Variants in UGT1A8 observed in about 807,000 individuals in gnomAD.
The protein encoded by UGT1A8 is UDP glucuronosyltransferase family 1 member A8.
UGT1A8 carries 39 observed loss-of-function variants against 45.3 expected under a neutral mutation model. The ratio of observed to expected loss-of-function variants is 0.86; its 90% CI spans 0.67 to 1.12. The LOEUF (loss-of-function observed/expected upper bound fraction) is 1.12, where lower values mean the gene tolerates loss of function less well. Among genes scored for constraint, UGT1A8 ranks in the 50% most tolerant of loss-of-function variants. UGT1A8 has a pLI of 0.00. For synonymous variants in UGT1A8, 275 were observed against 249.2 expected (o/e 1.10, Z -0.97); for missense variants, 719 against 664.9 (o/e 1.08, Z -0.90).
chr2:233,749,297 T>C (rs761343175), intron 1 of UGT1A8, among the ~76,000 whole-genome samples: 35 of 151,972 alleles, frequency 2.3e-4, no homozygotes, highest in Non-Finnish European at 4.0e-4. Flanking sequence ...TATTCAATTA[T>C]AAAATATGTG....
intron 1 of UGT1A8, among the ~76,000 whole-genome samples, chr2:233,739,452 G>A (rs115541121): frequency 6.6e-6 from 1 of 152,196 alleles, no homozygotes; most frequent in Non-Finnish European, 1.5e-5. Flanking sequence ...AAGCCACAGG[G>A]TTGGAGCTGC....
intron 1 of UGT1A8, among the ~76,000 whole-genome samples, chr2:233,711,301 G>T (rs1575495377): frequency 6.6e-6 from 1 of 152,358 alleles, no homozygotes; most frequent in East Asian, 1.9e-4. Flanking sequence ...GTAGAAATTA[G>T]ATGACATTGG....
chr2:233,685,673 C>T (rs1460224775), intron 1 of UGT1A8, among the ~76,000 whole-genome samples: 1 of 152,178 alleles, frequency 6.6e-6, no homozygotes, highest in Admixed American at 6.5e-5. Flanking sequence ...ATAATGTGTA[C>T]CCATATAGCC....
At chr2:233,729,397 C>T (rs762751427) in intron 1 of UGT1A8, 64 of 1,613,538 alleles carry the variant, frequency 4.0e-5, no homozygotes, top group Non-Finnish European at 4.6e-5. Flanking sequence ...TGAATTTGAT[C>T]GCCATGTGCT....
At chr2:233,689,040 T>C (rs1410007859) in intron 1 of UGT1A8, among the ~76,000 whole-genome samples, 3 of 152,238 alleles carry the variant, frequency 2.0e-5, no homozygotes, top group Non-Finnish European at 4.4e-5. Context: ...AATCCTACTT[T>C]ATGTCTCTTC....
intron 1 of UGT1A8, among the ~76,000 whole-genome samples, chr2:233,710,240 A>G (rs2076121731): frequency 6.6e-6 from 1 of 152,210 alleles, no homozygotes; most frequent in Non-Finnish European, 1.5e-5. Context: ...CTATTCGAGT[A>G]CGAGTGTTTC....
At chr2:233,760,764 C>G (rs199766420) in intron 1 of UGT1A8, 1 of 1,614,088 alleles carries the variant, frequency 6.2e-7, no homozygotes, top group Non-Finnish European at 8.5e-7. Flanking sequence ...GCAGCCCCAT[C>G]GTGGCCCAGT....
chr2:233,754,878 C>G (rs1478307261), intron 1 of UGT1A8: 1 of 1,352,412 alleles, frequency 7.4e-7, no homozygotes, highest in Non-Finnish European at 9.9e-7. Context: ...GCTTCTGCTT[C>G]CCAGGGAGTT....
intron 1 of UGT1A8, among the ~76,000 whole-genome samples, chr2:233,684,934 AGT>A (rs1284921630): frequency 1.3e-5 from 2 of 148,296 alleles, no homozygotes; most frequent in Non-Finnish European, 3.0e-5. Context: ...CAGGATTCAT[AGT>A]CTGCATTTCA....
chr2:233,633,902 T>G (rs371326033), intron 1 of UGT1A8, among the ~76,000 whole-genome samples: 49 of 152,154 alleles, frequency 3.2e-4, no homozygotes, highest in Non-Finnish European at 4.7e-4. Flanking sequence ...TGTGATGTTA[T>G]GGTTTTGATT....
At chr2:233,748,086 G>A (rs1376410311) in intron 1 of UGT1A8, 37 of 1,612,904 alleles carry the variant, frequency 2.3e-5, no homozygotes, top group Non-Finnish European at 2.9e-5. Context: ...TCAGGTCGGT[G>A]TTCGTGCCTT....
intron 1 of UGT1A8, chr2:233,718,890 C>T (rs6755571): frequency 2.5e-6 from 4 of 1,613,968 alleles, no homozygotes; most frequent in East Asian, 2.2e-5. Flanking sequence ...CAGTGTCCAG[C>T]CCTGGGCTGA....
At chr2:233,766,909 C>G in intron 1 of UGT1A8, 125 bp from the exon 2 acceptor site, 2 of 1,513,870 alleles carry the variant, frequency 1.3e-6, no homozygotes, top group South Asian at 1.3e-5. Flanking sequence ...ATTTTTTACT[C>G]TATCTCAAAC....
At chr2:233,725,981 C>T (rs28899190) in intron 1 of UGT1A8, among the ~76,000 whole-genome samples, 4,581 of 152,048 alleles carry the variant, frequency 0.03, 268 homozygotes, top group African/African-American at 0.1. Flanking sequence ...GCCTGGGAAA[C>T]GTGCTGAGAC....
At chr2:233,691,929 A>G (rs2075065519) in intron 1 of UGT1A8, 1 of 152,370 alleles carries the variant, frequency 6.6e-6, no homozygotes, top group African/African-American at 2.4e-5. Flanking sequence ...GGAGCGATAA[A>G]CGTGAACAAA....
chr2:233,662,076 A>T (rs2073982086), intron 1 of UGT1A8, among the ~76,000 whole-genome samples: 1 of 152,222 alleles, frequency 6.6e-6, no homozygotes, highest in Non-Finnish European at 1.5e-5. Context: ...ATAGTACAGT[A>T]GGCACAGTTA....
At chr2:233,657,461 G>A (rs1440259504) in intron 1 of UGT1A8, among the ~76,000 whole-genome samples, 2 of 152,196 alleles carry the variant, frequency 1.3e-5, no homozygotes, top group African/African-American at 4.8e-5. Context: ...AAGAGAAAAA[G>A]GAGGGGTTGC....
chr2:233,752,963 T>C (rs372881238), intron 1 of UGT1A8, among the ~76,000 whole-genome samples: 4 of 152,322 alleles, frequency 2.6e-5, no homozygotes, highest in African/African-American at 4.8e-5. Context: ...GGGATTTATG[T>C]AACCAATTGT....
At chr2:233,642,155 T>C (rs889473372) in intron 1 of UGT1A8, among the ~76,000 whole-genome samples, 2 of 152,226 alleles carry the variant, frequency 1.3e-5, no homozygotes, top group African/African-American at 4.8e-5. Context: ...TTTGCCCCTT[T>C]GAGGCTATTT....
Sources: allele counts gnomAD v4.1 joint callset (sites outside exome capture counted in the v4.1 genomes callset), GRCh38; gene constraint gnomAD v4.1.1; transcripts MANE v1.5; gene names NCBI Gene and HGNC (gene_info 2026-07-23, HGNC 2026-07-21).